The following CACNA1D variants were observed in gnomAD, a reference collection of about 807,000 sequenced individuals.
CACNA1D encodes calcium voltage-gated channel subunit alpha1 D.
CACNA1D carries 55 observed loss-of-function variants against 257.1 expected under a neutral mutation model. The ratio of observed to expected loss-of-function variants is 0.21; its 90% confidence interval spans 0.17 to 0.27. The LOEUF is 0.27. Ranked by LOEUF, CACNA1D falls within the 10% of genes least tolerant of loss-of-function variation. CACNA1D has a pLI of 1.00. For synonymous variants in CACNA1D, 980 were observed against 1,014.9 expected, an observed-to-expected ratio of 0.97 and a Z score of 0.65; for missense variants, 1,876 against 2,784.0, an observed-to-expected ratio of 0.67 and a Z score of 7.34.
At chr3:53,750,624 A>G (rs992895186) in intron 27 of CACNA1D, among the ~76,000 whole-genome samples, 7 of 152,150 alleles carry the variant, frequency 4.6e-5, no homozygotes, top group Admixed American at 3.9e-4. Context: ...TGGCCCAGCA[A>G]TTTGCTCACC....
intron 4 of CACNA1D, among the ~76,000 whole-genome samples, chr3:53,659,079 C>A (rs1450018885): frequency 6.6e-6 from 1 of 152,178 alleles, no homozygotes; most frequent in Non-Finnish European, 1.5e-5. Context: ...CAGTCATTCC[C>A]ACAATCTGAT....
chr3:53,734,782 T>A (rs962695571), intron 19 of CACNA1D, among the ~76,000 whole-genome samples: 4 of 151,988 alleles, frequency 2.6e-5, no homozygotes, highest in African/African-American at 7.3e-5. Flanking sequence ...CTCCAAAATT[T>A]AAAAAAATAA....
In CACNA1D at chr3:53,810,214, C is replaced by A. The variant is rs772536226; in HGVS notation, c.6108C>A (p.Phe2036Leu). Residue 2036 changes from phenylalanine (F) to leucine (L), a missense_variant, in exon 47 of 48, where the codon TTC (phenylalanine) becomes TTA (leucine). This residue lies in a region of CACNA1D where 491 missense variants were observed against 554.3 expected (regional missense o/e 0.89). Transcript: ENST00000350061. ...TDEPDISYRT[F>L]TPASLTVPSS... ...AGCCCGACATCTCCTACCGGACTTT[C>A]ACACCAGCCAGCCTGACTGTCCCCA... is the stretch of plus-strand genomic sequence containing the variant. 6.2e-7 allele frequency: 1 copy of A among 1,614,008 alleles called. No homozygotes were observed. Among genetic ancestry groups the A allele is most frequent in the South Asian group, 1.1e-5 (1 of 91,092 alleles).
chr3:53,574,008 TGTCGATCTCTTG>T (rs2107704420), intron 3 of CACNA1D, among the ~76,000 whole-genome samples: 1 of 152,304 alleles, frequency 6.6e-6, no homozygotes, highest in Non-Finnish European at 1.5e-5. Context: ...AGTTGTACAG[TGTCGATCTCTTG>T]ACTTGGAGGC....
intron 37 of CACNA1D, among the ~76,000 whole-genome samples, chr3:53,779,038 C>T (rs996893245): frequency 6.6e-6 from 1 of 152,190 alleles, no homozygotes; most frequent in African/African-American, 2.4e-5. Flanking sequence ...GTGGCTCACA[C>T]CTGTAATCCC....
intron 40 of CACNA1D, among the ~76,000 whole-genome samples, chr3:53,790,256 C>T (rs1377496273): frequency 6.6e-6 from 1 of 152,204 alleles, no homozygotes; most frequent in Non-Finnish European, 1.5e-5. Context: ...TCTCAGTCCT[C>T]CTCCCAGCAG....
intron 11 of CACNA1D, among the ~76,000 whole-genome samples, chr3:53,720,669 A>G (rs1292017076): frequency 1.3e-5 from 2 of 152,246 alleles, no homozygotes; most frequent in Non-Finnish European, 2.9e-5. Flanking sequence ...AGTTGTTACA[A>G]AAATGCACAT....
intron 15 of CACNA1D, among the ~76,000 whole-genome samples, chr3:53,728,932 A>G (rs1004561845): frequency 1.3e-5 from 2 of 152,210 alleles, no homozygotes; most frequent in Non-Finnish European, 2.9e-5. Context: ...TTTGCTCTGG[A>G]AAGTTGTTAC....
At chr3:53,670,436 C>T (rs977043354) in intron 7 of CACNA1D, among the ~76,000 whole-genome samples, 2 of 152,132 alleles carry the variant, frequency 1.3e-5, no homozygotes, top group African/African-American at 2.4e-5. Context: ...CCTCTGCCTC[C>T]GGGGTTCAAG....
Position 53,666,322 on chromosome 3 carries a change from G to T in CACNA1D, c.920-17G>T, listed in dbSNP as rs183667438. 1 of 1,611,962 alleles carries T rather than the reference G, an allele frequency of 6.2e-7. No individual in the cohort carries two copies. Among genetic ancestry groups the T allele is most frequent in the Admixed American group, 1.7e-5 (1 of 60,026 alleles). On this transcript the variant is annotated splice_polypyrimidine_tract_variant and intron_variant, in intron 6 of 47. Coordinates refer to ENST00000350061, the MANE Select transcript of CACNA1D (RefSeq NM_001128840.3). ...GTTTCTGTCCTGAGCGGTACAGCCT[G>T]TTTGCTCTGTTTGCAGATATCGTAG...
chr3:53,741,173 G>T (rs1355017644), intron 21 of CACNA1D, among the ~76,000 whole-genome samples: 1 of 152,196 alleles, frequency 6.6e-6, no homozygotes, highest in Admixed American at 6.5e-5. Flanking sequence ...AGAGCTCCAA[G>T]AACCTATCCA....
intron 3 of CACNA1D, among the ~76,000 whole-genome samples, chr3:53,644,935 C>G (rs1040462013): frequency 6.6e-6 from 1 of 152,184 alleles, no homozygotes; most frequent in Non-Finnish European, 1.5e-5. Flanking sequence ...ATTTACACTC[C>G]TATCAACAGT....
At chr3:53,497,948 A>C (rs1416175792) in intron 2 of CACNA1D, among the ~76,000 whole-genome samples, 1 of 152,240 alleles carries the variant, frequency 6.6e-6, no homozygotes, top group Non-Finnish European at 1.5e-5. Context: ...CTGCAACTAC[A>C]ATTAATGCTA....
At chr3:53,722,063 A>G (rs1037265079) in intron 11 of CACNA1D, among the ~76,000 whole-genome samples, 4 of 152,372 alleles carry the variant, frequency 2.6e-5, no homozygotes, top group East Asian at 1.9e-4. Context: ...GGAGTTATCT[A>G]TAAGCCATAA....
At chr3:53,734,010 G>A (rs1463635973) in intron 19 of CACNA1D, among the ~76,000 whole-genome samples, 1 of 36,408 alleles carries the variant, frequency 2.7e-5, no homozygotes, top group Non-Finnish European at 4.8e-5. Flanking sequence ...ATATATATAT[G>A]TGTGTGTATA....
chr3:53,503,361 A>C (rs555832954), intron 3 of CACNA1D, among the ~76,000 whole-genome samples: 1 of 152,332 alleles, frequency 6.6e-6, no homozygotes, highest in Non-Finnish European at 1.5e-5. Context: ...TTAAAGAAAA[A>C]GCAGAAGTGG....
chr3:53,702,838 T>C, intron 9 of CACNA1D, 28 bp downstream of exon 9: 1 of 1,613,496 alleles, frequency 6.2e-7, no homozygotes, highest in East Asian at 2.2e-5. Flanking sequence ...TGCCCCTGGC[T>C]AGACAGACCC....
At chr3:53,499,213 CAT>C (rs1000829459) in intron 2 of CACNA1D, among the ~76,000 whole-genome samples, 3 of 152,140 alleles carry the variant, frequency 2.0e-5, no homozygotes, top group East Asian at 1.9e-4. Flanking sequence ...TTGCCAGACA[CAT>C]GTGTACAGGA....
chr3:53,718,570 TCCCCACC>T lies in CACNA1D; in HGVS notation c.1478+187_1478+193del, dbSNP rs558852916. The T allele has an allele frequency of 1.7e-4, 119 of 718,004 alleles. No homozygotes were observed. The Middle Eastern group carries it at 2.2e-3, about 13-fold the overall frequency. The allele number at this position is 718,004 out of a possible 1,614,324, so 44.5% of individuals were successfully genotyped here. On this transcript the variant is annotated intron_variant, in intron 10 of 47. Transcript: ENST00000350061. ...GCCAGGGCTATCCCTCCTGCACACC[TCCCCACC>T]CCCCGCCCCCCCGCCCCCCGGCCCA...
Sources: allele counts gnomAD v4.1 joint callset (sites outside exome capture counted in the v4.1 genomes callset), GRCh38; gene constraint gnomAD v4.1.1; regional missense constraint gnomAD v4.1.1; transcripts MANE v1.5; gene names NCBI Gene and HGNC (gene_info 2026-07-23, HGNC 2026-07-21).